The following PCDH15 variants were observed in gnomAD, a reference collection of about 807,000 sequenced individuals.
PCDH15 encodes protocadherin-15.
PCDH15 carries 129 observed loss-of-function variants against 178.5 expected under a neutral mutation model. The ratio of observed to expected loss-of-function variants is 0.72; its 90% CI spans 0.63 to 0.84. The LOEUF is 0.84. PCDH15 is among the 40% of genes least tolerant of loss of function. PCDH15 has a pLI of 0.00. For synonymous variants in PCDH15, 800 were observed against 732.0 expected, an observed-to-expected ratio of 1.09 and a Z score of -1.50; for missense variants, 2,230 against 2,099.9, an observed-to-expected ratio of 1.06 and a Z score of -1.21.
chr10:54,716,386 C>A (rs941512830), intron 1 of PCDH15, among the ~76,000 whole-genome samples: 1 of 152,174 alleles, frequency 6.6e-6, no homozygotes, highest in Non-Finnish European at 1.5e-5. Flanking sequence ...TTCTTCCTAT[C>A]CATGAGCATG....
At chr10:55,075,976 T>C (rs994531522) in intron 2 of PCDH15, among the ~76,000 whole-genome samples, 2 of 152,198 alleles carry the variant, frequency 1.3e-5, no homozygotes, top group Admixed American at 1.3e-4. Context: ...GATTTTCATG[T>C]TAATATCTAT....
At chr10:54,191,954 A>G (rs1345573172) in intron 11 of PCDH15, among the ~76,000 whole-genome samples, 1 of 144,852 alleles carries the variant, frequency 6.9e-6, no homozygotes. Flanking sequence ...AAAAAAAGAA[A>G]AGAAAGAAGG....
chr10:54,632,533 T>C (rs1376834829), intron 2 of PCDH15, among the ~76,000 whole-genome samples: 1 of 152,176 alleles, frequency 6.6e-6, no homozygotes, highest in Non-Finnish European at 1.5e-5. Context: ...GGATACTCTG[T>C]ATTACCTTGG....
chr10:53,978,915 T>C (rs991556150), intron 21 of PCDH15, among the ~76,000 whole-genome samples: 2 of 152,164 alleles, frequency 1.3e-5, no homozygotes, highest in Non-Finnish European at 2.9e-5. Context: ...CTGGACTTTA[T>C]TGTCCATATC....
At chr10:55,285,965 G>T (rs185157318) in intron 1 of PCDH15, among the ~76,000 whole-genome samples, 2 of 152,008 alleles carry the variant, frequency 1.3e-5, no homozygotes, top group East Asian at 1.9e-4. Context: ...TGTGAGAAAA[G>T]AAGTTGTTTC....
intron 2 of PCDH15, among the ~76,000 whole-genome samples, chr10:54,648,043 T>G (rs1477479591): frequency 1.3e-5 from 2 of 152,284 alleles, no homozygotes; most frequent in East Asian, 1.9e-4. Flanking sequence ...TTAGGAAAGT[T>G]TGGAAAGAGT....
intron 3 of PCDH15, among the ~76,000 whole-genome samples, chr10:54,490,513 A>C: frequency 6.6e-6 from 1 of 151,876 alleles, no homozygotes; most frequent in South Asian, 2.1e-4. Context: ...AAAATAAATA[A>C]TTTTTTAATA....
chr10:54,255,081 T>C lies in PCDH15; in HGVS notation c.877-18150A>G, dbSNP rs951607099. ...GGTGGGGGTGACCCCAGAAAGCACA[T>C]ATTCTCATAACACCTTACAAGAGCT... On this transcript the variant is annotated intron_variant, in intron 8 of 37. Transcript: ENST00000644397. 9.9e-5 allele frequency among the ~76,000 whole-genome samples: 15 copies of C among 152,216 alleles called. No homozygotes were observed. The East Asian group carries it at 2.9e-3, about 29-fold the overall frequency.
At chr10:55,574,656 C>T (rs776205432) in intron 2 of PCDH15, among the ~76,000 whole-genome samples, 4 of 151,900 alleles carry the variant, frequency 2.6e-5, no homozygotes, top group Non-Finnish European at 4.4e-5. Flanking sequence ...TTATCACAAA[C>T]TGTAAAACTC....
intron 2 of PCDH15, among the ~76,000 whole-genome samples, chr10:55,501,914 A>T (rs1840664952): frequency 6.6e-6 from 1 of 151,718 alleles, no homozygotes; most frequent in Non-Finnish European, 1.5e-5. Context: ...TGAAAAAACA[A>T]TCTTTTAACA....
intron 26 of PCDH15, among the ~76,000 whole-genome samples, chr10:53,872,746 C>T (rs2079959031): frequency 6.6e-6 from 1 of 152,180 alleles, no homozygotes; most frequent in South Asian, 2.1e-4. Context: ...CAGAAGTTTG[C>T]CTTTTTCTTT....
chr10:54,503,302 A>G (rs1056072396), intron 3 of PCDH15, among the ~76,000 whole-genome samples: 1 of 145,884 alleles, frequency 6.9e-6, no homozygotes, highest in Non-Finnish European at 1.5e-5. Flanking sequence ...AAAATATTAT[A>G]TAATATATAC....
intron 2 of PCDH15, among the ~76,000 whole-genome samples, chr10:54,986,846 C>A (rs1839379906): frequency 6.6e-6 from 1 of 152,056 alleles, no homozygotes; most frequent in African/African-American, 2.4e-5. Flanking sequence ...AACTTGCCAT[C>A]CCTAGAGTTA....
chr10:54,602,326 C>A (rs2092576575), intron 2 of PCDH15, among the ~76,000 whole-genome samples: 1 of 151,814 alleles, frequency 6.6e-6, no homozygotes, highest in Admixed American at 6.6e-5. Flanking sequence ...ACAAATGCCA[C>A]TTACTTTTAT....
chr10:54,351,601 C>G (rs1483675746), intron 5 of PCDH15, among the ~76,000 whole-genome samples: 1 of 152,140 alleles, frequency 6.6e-6, no homozygotes, highest in Non-Finnish European at 1.5e-5. Context: ...GGCCTCTATA[C>G]TGGAATACTG....
At chr10:54,345,372 C>T (rs935742252) in intron 6 of PCDH15, among the ~76,000 whole-genome samples, 1 of 151,880 alleles carries the variant, frequency 6.6e-6, no homozygotes, top group Admixed American at 6.6e-5. Context: ...GTTAACTTCA[C>T]CATTGTTTAT....
In PCDH15 at chr10:54,236,892, C is replaced by T. The variant is rs2054681836; in HGVS notation, c.916G>A (p.Ala306Thr). 1 of 1,613,506 alleles carries T rather than the reference C, an allele frequency of 6.2e-7. No individual in the cohort carries two copies. Reference sequence around the variant, plus strand: ...TGAATATTCCGGTCCTGATCAATGGCTTGGATTGGTGGCGTAACAATAATG... The same window carrying T: ...TGAATATTCCGGTCCTGATCAATGGTTTGGATTGGTGGCGTAACAATAATG... ...NPIIVTPPIQ[A>T]IDQDRNIQPP... is the part of the protein sequence containing the mutation. The change falls in exon 9 of 38, where the codon GCC becomes ACC. Residue 306 changes from alanine (A) to threonine (T), a missense_variant. Physicochemically the swap from Ala to Thr is moderately conservative, Grantham distance 58. Transcript: ENST00000644397.
chr10:54,468,823 G>C (rs1271831949), intron 3 of PCDH15, among the ~76,000 whole-genome samples: 2 of 151,944 alleles, frequency 1.3e-5, no homozygotes, highest in African/African-American at 4.8e-5. Context: ...ATATGTCTGG[G>C]TGCTCCAGTG....
intron 26 of PCDH15, among the ~76,000 whole-genome samples, chr10:53,893,476 A>G (rs2081728745): frequency 6.6e-6 from 1 of 152,262 alleles, no homozygotes; most frequent in Non-Finnish European, 1.5e-5. Flanking sequence ...AAGTCATTAT[A>G]TGAAAAAGGT....
Sources: allele counts gnomAD v4.1 joint callset (sites outside exome capture counted in the v4.1 genomes callset), GRCh38; gene constraint gnomAD v4.1.1; transcripts MANE v1.5; gene names NCBI Gene and HGNC (gene_info 2026-07-23, HGNC 2026-07-21).